STUM: variants seen among roughly 807,000 people sequenced by gnomAD.
The protein encoded by STUM is protein stum homolog.
In STUM, 8 loss-of-function variants were observed where a neutral mutation model predicts 15.3. That is an observed-to-expected ratio of 0.52 (90% confidence interval 0.31 to 0.94). The LOEUF (loss-of-function observed/expected upper bound fraction) is 0.94. Among genes scored for constraint, STUM ranks in the 40% least tolerant of loss-of-function variants. The pLI, the probability that STUM is intolerant of heterozygous loss-of-function variation, is 0.05. For missense variants in STUM, 142 were observed against 204.9 expected (o/e 0.69, Z 1.87); for synonymous variants, 78 against 88.7 (o/e 0.88, Z 0.68).
At chr1:226,601,709 G>C (rs960351944) in intron 3 of STUM, among the ~76,000 whole-genome samples, 1 of 152,216 alleles carries the variant, frequency 6.6e-6, no homozygotes, top group African/African-American at 2.4e-5. Context: ...AGACCAGTCT[G>C]TAAGCGGCTT....
chr1:226,600,567 C>G lies in STUM; in HGVS notation c.383-99C>G, dbSNP rs941590446. Reference sequence around the variant, plus strand: ...CCTCACCATGGATCTGCTTTGTTTCCTGTGCCAAGCGTTCCCTGTGGCTCT... The same window carrying G: ...CCTCACCATGGATCTGCTTTGTTTCGTGTGCCAAGCGTTCCCTGTGGCTCT... On this transcript the variant is annotated intron_variant, in intron 2 of 3. Transcript: ENST00000366788. This position sits in a 1 kb window ranked among gnomAD's most constrained non-coding sequence, Gnocchi z 5.2. The G allele has an allele frequency of 1.4e-6, 2 of 1,447,760 alleles. No individual in the cohort carries two copies. Among genetic ancestry groups the G allele is most frequent in the African/African-American group, 1.4e-5 (1 of 71,726 alleles). The allele number at this position is 1,447,760 out of a possible 1,614,324, so 89.7% of individuals were successfully genotyped here. A position where few individuals can be genotyped will look rare whatever the true frequency, so the allele number is the denominator to read the frequency against.
chr1:226,562,314 C>T (rs1400424720), intron 1 of STUM, among the ~76,000 whole-genome samples: 2 of 151,726 alleles, frequency 1.3e-5, no homozygotes, highest in Non-Finnish European at 2.9e-5. Flanking sequence ...ACTAAAAATA[C>T]AAAAATTAGC....
At chr1:226,587,732 G>T (rs1483715235) in intron 1 of STUM, among the ~76,000 whole-genome samples, 1 of 152,176 alleles carries the variant, frequency 6.6e-6, no homozygotes, top group African/African-American at 2.4e-5. Context: ...CCTTCTCTCT[G>T]CTGGGAGACA....
At chr1:226,560,594 T>A (rs1667523663) in intron 1 of STUM, among the ~76,000 whole-genome samples, 1 of 152,204 alleles carries the variant, frequency 6.6e-6, no homozygotes, top group South Asian at 2.1e-4. Flanking sequence ...ATGTGTGTGA[T>A]GGAGTGAGTC....
intron 1 of STUM, among the ~76,000 whole-genome samples, chr1:226,551,162 T>C (rs1261946663): frequency 1.3e-5 from 2 of 152,148 alleles, no homozygotes; most frequent in African/African-American, 2.4e-5. Context: ...AATGAGGGAT[T>C]CCTGATCCTT....
intron 3 of STUM, 147 bp from the exon 4 acceptor site, chr1:226,601,859 G>T (rs1303638585): frequency 2.0e-5 from 13 of 661,358 alleles, no homozygotes; most frequent in Admixed American, 4.3e-5. Flanking sequence ...CAAAGCCCTT[G>T]GGAAAAGTTG....
At chr1:226,597,510 C>A (rs1369913372) in intron 2 of STUM, 7 of 467,974 alleles carry the variant, frequency 1.5e-5, no homozygotes, top group East Asian at 7.0e-5. Flanking sequence ...GTGTCCTATA[C>A]CCCCCAAAAC....
chr1:226,556,868 A>G (rs1667454259), intron 1 of STUM, among the ~76,000 whole-genome samples: 2 of 152,244 alleles, frequency 1.3e-5, no homozygotes, highest in South Asian at 4.1e-4. Context: ...ATTTCTAATT[A>G]TATAAATTTG....
At chr1:226,574,627 G>A (rs893581682) in intron 1 of STUM, among the ~76,000 whole-genome samples, 3 of 152,210 alleles carry the variant, frequency 2.0e-5, no homozygotes, top group Non-Finnish European at 2.9e-5. Context: ...TGAGCATGGG[G>A]GAGACGAGGA....
intron 1 of STUM, among the ~76,000 whole-genome samples, chr1:226,587,440 A>C (rs981218742): frequency 3.9e-5 from 6 of 152,110 alleles, no homozygotes; most frequent in Non-Finnish European, 7.4e-5. Context: ...GCTGCAGCCC[A>C]CCTGATGCCG....
chr1:226,587,852 A>G, intron 1 of STUM, among the ~76,000 whole-genome samples: 1 of 152,146 alleles, frequency 6.6e-6, no homozygotes, highest in East Asian at 1.9e-4. Context: ...AAGGTGGGTT[A>G]TTGGCCACTG....
Position 226,567,386 on chromosome 1 carries a change from AAC to A in STUM, c.202+18284_202+18285del, listed in dbSNP as rs1004661340. Among the ~76,000 whole-genome samples the A allele has an allele frequency of 2.1e-4, 32 of 152,274 alleles. No homozygotes were observed. The highest frequency in any genetic ancestry group is 4.0e-4 in the Non-Finnish European group (27 of 68,048). On this transcript the variant is annotated intron_variant, in intron 1 of 3. Coordinates refer to ENST00000366788, the MANE Select transcript of STUM (RefSeq NM_001003665.4). This position sits in a 1 kb window ranked among gnomAD's most constrained non-coding sequence, Gnocchi z 4.5. The stretch of plus-strand genomic sequence containing the variant: ...GCAGTGGAAAATAACGGAAAATAGA[AAC>A]ACAACAATATTAGCTATTAAACAAA...
chr1:226,553,762 A>T (rs1667406031), intron 1 of STUM, among the ~76,000 whole-genome samples: 1 of 152,220 alleles, frequency 6.6e-6, no homozygotes, highest in South Asian at 2.1e-4. Context: ...GCAGTAAAGA[A>T]TATTTGCTTA....
chr1:226,593,536 C>A (rs1202257708), intron 1 of STUM, among the ~76,000 whole-genome samples: 1 of 152,180 alleles, frequency 6.6e-6, no homozygotes, highest in East Asian at 1.9e-4. Flanking sequence ...TTGCCCAGTA[C>A]ACTGTGAGTT....
At chr1:226,579,545 C>T (rs1252543239) in intron 1 of STUM, among the ~76,000 whole-genome samples, 1 of 151,970 alleles carries the variant, frequency 6.6e-6, no homozygotes, top group Non-Finnish European at 1.5e-5. Flanking sequence ...AGTGAGGGGC[C>T]GTGGAGGCCT....
rs1667345350 is a variant in STUM, at chr1:226,549,990, A to G, written c.202+884A>G. 1.3e-5 allele frequency among the ~76,000 whole-genome samples: 2 copies of G among 151,850 alleles called. No homozygotes were observed. Among genetic ancestry groups the G allele is most frequent in the Admixed American group, 1.3e-4 (2 of 15,252 alleles). Reference sequence around the variant, plus strand: ...ACTCCACCCCCAGGTCTCTGCCTGCACGCCCCTCCCCTCCTCCAGCTTGGC... The same window carrying G: ...ACTCCACCCCCAGGTCTCTGCCTGCGCGCCCCTCCCCTCCTCCAGCTTGGC... On this transcript the variant is annotated intron_variant, in intron 1 of 3. Transcript: ENST00000366788. The surrounding 1 kb of genome is among the most constrained non-coding windows in gnomAD (Gnocchi z 6.8).
intron 1 of STUM, among the ~76,000 whole-genome samples, chr1:226,592,961 G>A (rs1001239831): frequency 1.3e-5 from 2 of 152,158 alleles, no homozygotes; most frequent in South Asian, 2.1e-4. Context: ...CAAGGTGAGC[G>A]GACCACTTGA....
Position 226,549,139 on chromosome 1 carries a change from C to A in STUM, c.202+33C>A. ...ACGGCTGCCGCGACCCTTGCGACCC[C>A]CACCCCGCCGCGGGAGGGCGTGGGG... On this transcript the variant is annotated intron_variant, in intron 1 of 3. Coordinates refer to ENST00000366788, the MANE Select transcript of STUM (RefSeq NM_001003665.4). This position sits in a 1 kb window ranked among gnomAD's most constrained non-coding sequence, Gnocchi z 6.8. 1 of 1,546,792 alleles carries A rather than the reference C, an allele frequency of 6.5e-7. No homozygotes were observed. Among genetic ancestry groups the A allele is most frequent in the Non-Finnish European group, 8.7e-7 (1 of 1,144,326 alleles).
At chr1:226,582,753 G>A (rs1475599421) in intron 1 of STUM, among the ~76,000 whole-genome samples, 2 of 152,176 alleles carry the variant, frequency 1.3e-5, no homozygotes, top group African/African-American at 4.8e-5. Flanking sequence ...GTCTCCTGAA[G>A]CCCCAGTACC....
Sources: gnomAD v4.1 joint callset for allele counts (sites outside exome capture counted in the v4.1 genomes callset) on GRCh38, gnomAD v4.1.1 for gene constraint, Gnocchi (gnomAD v3.1) non-coding constraint, MANE v1.5 for transcripts, NCBI Gene and HGNC (gene_info 2026-07-23, HGNC 2026-07-21) for gene names.